The following RIPOR2 variants were observed in gnomAD, a reference collection of about 807,000 sequenced individuals.
RIPOR2 encodes the protein rho family-interacting cell polarization regulator 2.
Under a neutral mutation model 114.5 loss-of-function variants are expected in RIPOR2, and 39 were observed. The observed-to-expected ratio is 0.34, with a 90% CI of 0.26 to 0.44. The LOEUF (loss-of-function observed/expected upper bound fraction) is 0.44, where lower values mean the gene tolerates loss of function less well. Ranked by LOEUF, RIPOR2 falls within the 20% of genes least tolerant of loss-of-function variation. RIPOR2 has a pLI of 1.00. For synonymous variants in RIPOR2, 445 were observed against 484.4 expected, an observed-to-expected ratio of 0.92 and a Z score of 1.07; for missense variants, 1,007 against 1,255.1, an observed-to-expected ratio of 0.80 and a Z score of 2.99.
chr6:24,936,963 C>T (rs1278481870), upstream of RIPOR2, among the ~76,000 whole-genome samples: 1 of 152,126 alleles, frequency 6.6e-6, no homozygotes, highest in Non-Finnish European at 1.5e-5. Context: ...CCCAGTGTTA[C>T]CCTAGAGAAA....
At chr6:24,951,439 G>A (rs1454294167) in intron 1 of RIPOR2, among the ~76,000 whole-genome samples, 2 of 152,160 alleles carry the variant, frequency 1.3e-5, no homozygotes, top group Non-Finnish European at 2.9e-5. Flanking sequence ...TAATGGAATA[G>A]GGGGTCTTCA....
At chr6:24,936,662 C>T (rs888167653), upstream of RIPOR2, among the ~76,000 whole-genome samples, 2 of 152,172 alleles carry the variant, frequency 1.3e-5, no homozygotes, top group African/African-American at 4.8e-5. Context: ...AAAAGCAGTC[C>T]TCCCAAAGGG....
intron 1 of RIPOR2, among the ~76,000 whole-genome samples, chr6:24,969,004 A>C (rs1773655370): frequency 6.6e-6 from 1 of 151,900 alleles, no homozygotes; most frequent in Non-Finnish European, 1.5e-5. Context: ...CCCTTTTTTC[A>C]TGACTTTCAA....
chr6:24,896,446 A>G (rs561054307), intron 1 of RIPOR2, among the ~76,000 whole-genome samples: 1 of 142,750 alleles, frequency 7.0e-6, no homozygotes, highest in African/African-American at 3.0e-5. Context: ...CTCCTAGAGG[A>G]AAAAAAACTT....
intron 1 of RIPOR2, among the ~76,000 whole-genome samples, chr6:24,967,912 T>TCC (rs1773603701): frequency 7.7e-6 from 1 of 129,968 alleles, no homozygotes. Flanking sequence ...TCTCAATCTT[T>TCC]TTTTTTTTTT....
At position 24,869,136 on chromosome 6, in the gene RIPOR2, T is replaced by A; in HGVS notation, c.459A>T (p.Thr153=). ...VLYDLDKQIK[T]IERYMRRLEF... ...CCAGGCGTCTCATGTATCTTTCAAT[T>A]GTTTTAATTTGCTGGAATTAAAAGA... Residue 153 remains threonine, a synonymous_variant, in exon 6 of 22, where the codon ACA becomes ACT. Transcript: ENST00000643898. 6.3e-7 allele frequency: 1 copy of A among 1,574,952 alleles called. No individual in the cohort carries two copies. The highest frequency in any genetic ancestry group is 2.2e-5 in the East Asian group (1 of 44,602).
intron 1 of RIPOR2, among the ~76,000 whole-genome samples, chr6:24,921,240 G>T (rs1770455099): frequency 6.6e-6 from 1 of 151,968 alleles, no homozygotes; most frequent in Non-Finnish European, 1.5e-5. Context: ...TCGGCTCACT[G>T]CAGCCTCTGC....
chr6:24,833,362 G>A (rs909097219), intron 15 of RIPOR2, among the ~76,000 whole-genome samples: 1 of 151,998 alleles, frequency 6.6e-6, no homozygotes, highest in Non-Finnish European at 1.5e-5. Context: ...TTAGCCAGGC[G>A]TGGTGGTGCA....
At chr6:24,853,328 C>G (rs553013848) in intron 8 of RIPOR2, among the ~76,000 whole-genome samples, 4 of 152,326 alleles carry the variant, frequency 2.6e-5, no homozygotes, top group Non-Finnish European at 5.9e-5. Context: ...GGTGCAGCAG[C>G]AAAAACAAAT....
chr6:24,839,369 G>C lies in RIPOR2; in HGVS notation c.1858-97C>G. On this transcript the variant is annotated intron_variant, in intron 13 of 21. Transcript: ENST00000643898. ...TTGGAGATGCCACACTTTTTTTTTT[G>C]TTTCAAGTTTTTATTTTTTGTTAGC... The C allele has an allele frequency of 2.8e-6, 4 of 1,421,654 alleles. No individual in the cohort carries two copies. The South Asian group carries it at 6.2e-5, about 22-fold the overall frequency. 88.1% of individuals were successfully genotyped at this position (1,421,654 alleles called of 1,614,324 possible). A position where few individuals can be genotyped will look rare whatever the true frequency, so the allele number is the denominator to read the frequency against.
intron 4 of RIPOR2, 53 bp downstream of exon 4, chr6:24,872,828 C>T: frequency 1.7e-6 from 2 of 1,206,264 alleles, no homozygotes; most frequent in Non-Finnish European, 2.4e-6. Context: ...GTAAAAGAAG[C>T]TATTTGGCTA....
At chr6:24,872,747 A>G (rs2113884154) in intron 4 of RIPOR2, 134 bp downstream of exon 4, 1 of 581,440 alleles carries the variant, frequency 1.7e-6, no homozygotes, top group East Asian at 2.8e-5. Flanking sequence ...TCTAAGACAT[A>G]CTGGGGGATG....
intron 1 of RIPOR2, among the ~76,000 whole-genome samples, chr6:24,985,370 A>AT (rs11300406): frequency 4.6e-5 from 7 of 151,270 alleles, no homozygotes; most frequent in African/African-American, 1.7e-4. Flanking sequence ...AGACCAAGTG[A>AT]TTTTTTTTTT....
At chr6:24,983,219 T>C (rs372759514) in intron 1 of RIPOR2, among the ~76,000 whole-genome samples, 1,603 of 130,330 alleles carry the variant, frequency 0.012, 23 homozygotes, top group African/African-American at 0.029. Flanking sequence ...CACACACACA[T>C]ACATATATAC....
chr6:24,839,296 G>C (rs1187076872), intron 13 of RIPOR2, 24 bp from the exon 14 acceptor site: 1 of 1,542,554 alleles, frequency 6.5e-7, no homozygotes, highest in South Asian at 1.2e-5. Context: ...AGGCACCAGG[G>C]AGAACATCAA....
At chr6:25,022,637 C>A (rs1193695392) in intron 1 of RIPOR2, among the ~76,000 whole-genome samples, 1 of 137,996 alleles carries the variant, frequency 7.2e-6, no homozygotes, top group Non-Finnish European at 1.5e-5. Context: ...GCCTCAAACT[C>A]CTGGGCTCAA....
intron 1 of RIPOR2, among the ~76,000 whole-genome samples, chr6:24,912,951 G>T (rs1422995674): frequency 6.6e-6 from 1 of 152,200 alleles, no homozygotes; most frequent in Admixed American, 6.5e-5. Flanking sequence ...CCACTTAAAA[G>T]ATAAGACTAC....
chr6:24,866,681 T>A (rs941483863), intron 6 of RIPOR2, among the ~76,000 whole-genome samples: 1 of 152,082 alleles, frequency 6.6e-6, no homozygotes, highest in Admixed American at 6.5e-5. Flanking sequence ...TTATTCCTAA[T>A]GATATTTATC....
intron 9 of RIPOR2, among the ~76,000 whole-genome samples, chr6:24,851,103 T>C (rs543081945): frequency 4.3e-4 from 65 of 152,088 alleles, no homozygotes; most frequent in Middle Eastern, 6.8e-3. Flanking sequence ...CCATGTTGGC[T>C]AGGCTGGTCT....
Sources: allele counts gnomAD v4.1 joint callset (sites outside exome capture counted in the v4.1 genomes callset), GRCh38; gene constraint gnomAD v4.1.1; transcripts MANE v1.5; gene names NCBI Gene and HGNC (gene_info 2026-07-23, HGNC 2026-07-21).